The following LOC122539214 variants were observed in gnomAD, a reference collection of about 807,000 sequenced individuals.
At chr19:52,652,979 A>T in the LOC122539214 span, 2 of 1,333,300 alleles carry the variant, frequency 1.5e-6, no homozygotes, top group Admixed American at 3.4e-5. Context: ...TTACACCTGT[A>T]AGGTTTCTCT....
the LOC122539214 span, among the ~76,000 whole-genome samples, chr19:52,680,802 C>A: frequency 6.7e-6 from 1 of 148,348 alleles, no homozygotes; most frequent in South Asian, 2.1e-4. Context: ...TTAGTAGAGA[C>A]GGGGTTTCAC....
the LOC122539214 span, among the ~76,000 whole-genome samples, chr19:52,671,584 A>AG: frequency 6.6e-6 from 1 of 152,070 alleles, no homozygotes; most frequent in South Asian, 2.1e-4. Context: ...CTGGAGCTGC[A>AG]GGCCCTCACC....
chr19:52,676,770 T>C, the LOC122539214 span, among the ~76,000 whole-genome samples: 146 of 139,502 alleles, frequency 1.0e-3, no homozygotes, highest in Non-Finnish European at 1.7e-3. Context: ...CTTTTCATTT[T>C]GTTCTGCACT....
chr19:52,660,875 AT>A, the LOC122539214 span: 3 of 153,678 alleles, frequency 2.0e-5, no homozygotes, highest in South Asian at 3.9e-4. Flanking sequence ...TATTTAATTA[AT>A]TTTTTTTGAG....
At chr19:52,674,841 G>T in the LOC122539214 span, among the ~76,000 whole-genome samples, 5 of 152,148 alleles carry the variant, frequency 3.3e-5, no homozygotes, top group Admixed American at 6.5e-5. Context: ...AGATGATTTA[G>T]ATTTAACACA....
the LOC122539214 span, among the ~76,000 whole-genome samples, chr19:52,672,489 TGTAATCCGA>T: frequency 6.6e-6 from 1 of 152,232 alleles, no homozygotes; most frequent in East Asian, 1.9e-4. Flanking sequence ...GGCTTGTGCC[TGTAATCCGA>T]GCATGATGGG....
chr19:52,675,887 A>G, the LOC122539214 span, among the ~76,000 whole-genome samples: 1 of 152,214 alleles, frequency 6.6e-6, no homozygotes, highest in Non-Finnish European at 1.5e-5. Flanking sequence ...ATATGGGCAA[A>G]GGACAAGAAT....
the LOC122539214 span, among the ~76,000 whole-genome samples, chr19:52,663,105 G>A: frequency 1.3e-5 from 2 of 152,070 alleles, no homozygotes; most frequent in African/African-American, 2.4e-5. Flanking sequence ...AGAGGTTGCA[G>A]TGAGCCAAGA....
the LOC122539214 span, chr19:52,652,438 A>G: frequency 2.6e-6 from 1 of 390,784 alleles, no homozygotes. Context: ...TCATCTGAAA[A>G]AAGAAAAAAA....
chr19:52,651,151 C>G, the LOC122539214 span: 1 of 152,208 alleles, frequency 6.6e-6, no homozygotes, highest in African/African-American at 2.4e-5. Flanking sequence ...TCAAACTGTT[C>G]AAACCACTCA....
chr19:52,664,732 T>A, the LOC122539214 span, among the ~76,000 whole-genome samples: 3 of 56,868 alleles, frequency 5.3e-5, no homozygotes, highest in Admixed American at 5.4e-4. Context: ...GGGTGGGGCA[T>A]GAAGGACAAG....
At chr19:52,666,485 C>G in the LOC122539214 span, among the ~76,000 whole-genome samples, 4 of 152,042 alleles carry the variant, frequency 2.6e-5, no homozygotes, top group African/African-American at 7.2e-5. Flanking sequence ...ATCCTTAACC[C>G]AGTAAACCGC....
chr19:52,656,450 T>C, the LOC122539214 span, among the ~76,000 whole-genome samples: 3 of 152,096 alleles, frequency 2.0e-5, no homozygotes, highest in Non-Finnish European at 4.4e-5. Context: ...GCTTCAACTC[T>C]GGAGGCAGAG....
chr19:52,672,589 A>C, the LOC122539214 span, among the ~76,000 whole-genome samples: 1 of 152,222 alleles, frequency 6.6e-6, no homozygotes, highest in South Asian at 2.1e-4. Flanking sequence ...TATGTTTTAA[A>C]AATTAATTAA....
chr19:52,687,898 C>T, the LOC122539214 span, among the ~76,000 whole-genome samples: 5 of 151,590 alleles, frequency 3.3e-5, no homozygotes, highest in South Asian at 2.1e-4. Flanking sequence ...CACTGCCCCA[C>T]GTCCTACCCC....
chr19:52,659,346 A>G, the LOC122539214 span, among the ~76,000 whole-genome samples: 1 of 152,072 alleles, frequency 6.6e-6, no homozygotes, highest in African/African-American at 2.4e-5. Context: ...TGCCCACTCG[A>G]GGTTACCACC....
At chr19:52,658,968 G>C in the LOC122539214 span, among the ~76,000 whole-genome samples, 2 of 152,144 alleles carry the variant, frequency 1.3e-5, no homozygotes, top group African/African-American at 4.8e-5. Context: ...CCTGGAGTGC[G>C]AGCTGCTCAG....
At chr19:52,687,227 A>T in the LOC122539214 span, among the ~76,000 whole-genome samples, 1 of 146,814 alleles carries the variant, frequency 6.8e-6, no homozygotes, top group Non-Finnish European at 1.5e-5. Context: ...CAGTGCCTCA[A>T]CCCTGTAATC....
At chr19:52,665,545 G>A in the LOC122539214 span, among the ~76,000 whole-genome samples, 2 of 152,220 alleles carry the variant, frequency 1.3e-5, no homozygotes, top group East Asian at 3.9e-4. Flanking sequence ...GAATCAATGT[G>A]TCAGTATGTG....
Sources: gnomAD v4.1 joint callset for allele counts (sites outside exome capture counted in the v4.1 genomes callset) on GRCh38, gnomAD v4.1.1 for gene constraint, MANE v1.5 for transcripts.